Variants in MATR3 observed in about 807,000 individuals in gnomAD.
MATR3 encodes matrin 3, also known as matrin-3.
In MATR3, 4 loss-of-function variants were observed where a neutral mutation model predicts 85.5. The observed-to-expected ratio is 0.05, with a 90% CI of 0.02 to 0.11. The LOEUF (loss-of-function observed/expected upper bound fraction) is 0.11. MATR3 is among the 10% of genes least tolerant of loss of function. The pLI, the probability that MATR3 is intolerant of heterozygous loss-of-function variation, is 1.00. For missense variants in MATR3, 685 were observed against 1,016.1 expected (o/e 0.67, Z 4.43); for synonymous variants, 336 against 343.1 (o/e 0.98, Z 0.23).
At chr5:139,287,806 A>C (rs1172871111) in intron 3 of MATR3, among the ~76,000 whole-genome samples, 1 of 152,180 alleles carries the variant, frequency 6.6e-6, no homozygotes, top group Non-Finnish European at 1.5e-5. Flanking sequence ...CTTTGAGGTC[A>C]AACTCCTTGT....
chr5:139,317,918 T>C lies in MATR3; in HGVS notation c.1308+197T>C, dbSNP rs369368264. ...ATGGATTATTAGTAACTATAAATTA[T>C]GATCCTTAGGTAGTAATTGTCATTA... is the stretch of plus-strand genomic sequence containing the variant. On this transcript the variant is annotated intron_variant, in intron 7 of 14. Transcript: ENST00000394805. 5.9e-5 allele frequency among the ~76,000 whole-genome samples: 9 copies of C among 152,306 alleles called. 2 individuals are homozygous for C. The highest frequency in any genetic ancestry group is 2.6e-4 in the Admixed American group (4 of 15,296).
At position 139,314,207 on chromosome 5, in the gene MATR3, A is replaced by G. The variant is rs150342257; in HGVS notation, c.913-468A>G. The stretch of plus-strand genomic sequence containing the variant: ...GTTGGGATTATAGGCATGAGCCACC[A>G]TGCTCGGCCTAAAAGATTCTATTTT... On this transcript the variant is annotated intron_variant, in intron 2 of 14. Coordinates refer to ENST00000394805, the MANE Select transcript of MATR3 (RefSeq NM_018834.6). The G allele has an allele frequency of 1.2e-3, 218 of 180,678 alleles. 1 individual carries two copies. Among genetic ancestry groups the G allele is most frequent in the South Asian group, 6.5e-3 (57 of 8,828 alleles). 11.2% of individuals were successfully genotyped at this position (180,678 alleles called of 1,614,324 possible).
chr5:139,288,825 G>T (rs1188447396), upstream of MATR3, among the ~76,000 whole-genome samples: 2 of 152,028 alleles, frequency 1.3e-5, no homozygotes, highest in Non-Finnish European at 2.9e-5. Context: ...TGTATTTTTA[G>T]TAGAGACAGG....
chr5:139,286,694 A>T (rs1312489938), intron 3 of MATR3, among the ~76,000 whole-genome samples: 1 of 151,612 alleles, frequency 6.6e-6, no homozygotes, highest in African/African-American at 2.4e-5. Context: ...AAAATACAAA[A>T]ATTAGCCAAG....
chr5:139,323,150 T>C (rs1755665109), intron 12 of MATR3, among the ~76,000 whole-genome samples, 183 bp downstream of exon 12: 1 of 152,136 alleles, frequency 6.6e-6, no homozygotes, highest in Admixed American at 6.6e-5. Context: ...AGACATTTTA[T>C]TATAGTTGGC....
intron 1 of MATR3, among the ~76,000 whole-genome samples, chr5:139,295,610 A>AT (rs1754107577): frequency 6.6e-6 from 1 of 152,026 alleles, no homozygotes; most frequent in Non-Finnish European, 1.5e-5. Flanking sequence ...AAACATACTA[A>AT]TTTTTTTACT....
intron 14 of MATR3, among the ~76,000 whole-genome samples, chr5:139,329,061 A>C (rs1755999575): frequency 6.6e-6 from 1 of 152,120 alleles, no homozygotes; most frequent in Admixed American, 6.6e-5. Context: ...GAATAGTGTC[A>C]GTTCAGTGTG....
At chr5:139,294,039 C>T (rs1051176644) in intron 1 of MATR3, 94 of 1,242,990 alleles carry the variant, frequency 7.6e-5, no homozygotes, top group Non-Finnish European at 9.0e-5. Flanking sequence ...GTGAGCGGTC[C>T]GGGAGGGAAA....
intron 9 of MATR3, among the ~76,000 whole-genome samples, 174 bp downstream of exon 9, chr5:139,319,675 G>C (rs539154051): frequency 1.3e-5 from 2 of 151,486 alleles, no homozygotes; most frequent in South Asian, 4.2e-4. Flanking sequence ...TGGTGAAATC[G>C]TATCTCTATT....
intron 1 of MATR3, among the ~76,000 whole-genome samples, chr5:139,295,164 C>G (rs560890923): frequency 6.6e-6 from 1 of 152,246 alleles, no homozygotes; most frequent in South Asian, 2.1e-4. Flanking sequence ...TTTAAAATTT[C>G]CCTTTAAAAA....
intron 12 of MATR3, among the ~76,000 whole-genome samples, chr5:139,324,376 C>T (rs1005617530): frequency 6.7e-6 from 1 of 150,304 alleles, no homozygotes; most frequent in East Asian, 2.0e-4. Context: ...TAACTGCAAC[C>T]TCCACCTCCC....
At chr5:139,314,454 TC>T (rs1276718405) in intron 2 of MATR3, 25 of 498,214 alleles carry the variant, frequency 5.0e-5, no homozygotes, top group Non-Finnish European at 9.2e-5. Context: ...GACAAGTTAA[TC>T]CAGTTTTTCC....
intron 5 of MATR3, among the ~76,000 whole-genome samples, 172 bp from the exon 6 acceptor site, chr5:139,316,881 A>C (rs1451565888): frequency 6.6e-6 from 1 of 152,214 alleles, no homozygotes; most frequent in Non-Finnish European, 1.5e-5. Flanking sequence ...TTATAGGTGA[A>C]AGAAGGCTCA....
chr5:139,287,560 C>T (rs1165395502), intron 3 of MATR3, among the ~76,000 whole-genome samples: 2 of 151,900 alleles, frequency 1.3e-5, no homozygotes, highest in African/African-American at 2.4e-5. Context: ...CGGAGGTTGC[C>T]GTGAGCCAAG....
In MATR3 at chr5:139,330,631, C is replaced by T; in HGVS notation, c.*1236C>T. The T allele has an allele frequency of 2.2e-6, 1 of 453,934 alleles. No homozygotes were observed. The highest frequency in any genetic ancestry group is 1.6e-5 in the South Asian group (1 of 64,468). The allele number at this position is 453,934 out of a possible 1,614,324, so 28.1% of individuals were successfully genotyped here. A position where few individuals can be genotyped will look rare whatever the true frequency, so the allele number is the denominator to read the frequency against. ...GAGGCCATTTGTGGTTTTTAAAAACCTTATGAATTAAAAATGCTACAGGTG... is the reference window on the plus strand; with the variant it reads ...GAGGCCATTTGTGGTTTTTAAAAACTTTATGAATTAAAAATGCTACAGGTG... On this transcript the variant is annotated 3_prime_UTR_variant, in exon 15 of 15. Coordinates refer to ENST00000394805, the MANE Select transcript of MATR3 (RefSeq NM_018834.6).
At chr5:139,295,805 T>G (rs1342739543) in intron 1 of MATR3, among the ~76,000 whole-genome samples, 1 of 152,092 alleles carries the variant, frequency 6.6e-6, no homozygotes, top group African/African-American at 2.4e-5. Context: ...GTCAGTGTGG[T>G]CTACAGAGGT....
rs1243867927 is a variant in MATR3 at position 139,308,222 on chromosome 5, G to A, written c.807G>A (p.Lys269=). 2.5e-6 allele frequency: 4 copies of A among 1,614,082 alleles called. No individual in the cohort carries two copies. Among genetic ancestry groups the A allele is most frequent in the Admixed American group, 1.7e-5 (1 of 59,988 alleles). The part of the protein sequence containing the change: ...PLQERSLFEK[K]RGAPPSSNIE... ...AAGAGAGATCTCTCTTTGAGAAAAA[G>A]AGAGGCGCTCCTCCAAGTAGCAATA... The change falls in exon 2 of 15, where the codon AAG becomes AAA. Residue 269 remains lysine (K), a synonymous_variant. Coordinates refer to ENST00000394805, the MANE Select transcript of MATR3 (RefSeq NM_018834.6).
At chr5:139,288,638 ACAT>A (rs1252501879) in intron 3 of MATR3, among the ~76,000 whole-genome samples, 4 of 151,960 alleles carry the variant, frequency 2.6e-5, no homozygotes, top group African/African-American at 7.2e-5. Flanking sequence ...GTGGGTTTAA[ACAT>A]CATCTCTTTT....
At chr5:139,326,421 A>AAT in intron 14 of MATR3, 137 bp downstream of exon 14, 2 of 704,380 alleles carry the variant, frequency 2.8e-6, no homozygotes, top group East Asian at 3.5e-5. Context: ...CTTTTTATTT[A>AAT]CTTTTTTTTT....
Sources: allele counts gnomAD v4.1 joint callset (sites outside exome capture counted in the v4.1 genomes callset), GRCh38; gene constraint gnomAD v4.1.1; transcripts MANE v1.5; gene names NCBI Gene and HGNC (gene_info 2026-07-23, HGNC 2026-07-21).